Variants in CRISPLD2 observed in about 807,000 individuals in gnomAD.
The protein encoded by CRISPLD2 is cysteine-rich secretory protein LCCL domain-containing 2.
Under a neutral mutation model 71.1 loss-of-function variants are expected in CRISPLD2, and 47 were observed. That is an observed-to-expected ratio of 0.66 (90% CI 0.52 to 0.84). The LOEUF is 0.84. Ranked by LOEUF, CRISPLD2 falls within the 40% of genes least tolerant of loss-of-function variation. The pLI, the probability that CRISPLD2 is intolerant of heterozygous loss-of-function variation, is 0.00. For missense variants in CRISPLD2, 830 were observed against 651.1 expected (o/e 1.27, Z -2.99); for synonymous variants, 317 against 250.1 (o/e 1.27, Z -2.52).
chr16:84,887,789 C>T (rs774208), intron 13 of CRISPLD2, among the ~76,000 whole-genome samples: 93,769 of 152,004 alleles, frequency 0.62, 29,682 homozygotes, highest in East Asian at 0.88. Flanking sequence ...GGCAGAAGAA[C>T]CACTTGAACC....
chr16:84,881,962 C>A (rs2071572228), intron 13 of CRISPLD2, among the ~76,000 whole-genome samples: 1 of 152,122 alleles, frequency 6.6e-6, no homozygotes, highest in Non-Finnish European at 1.5e-5. Flanking sequence ...CATCTTTTTT[C>A]TTTCCTCTTT....
At chr16:84,859,792 T>C (rs1917334002) in intron 6 of CRISPLD2, among the ~76,000 whole-genome samples, 2 of 152,244 alleles carry the variant, frequency 1.3e-5, no homozygotes, top group South Asian at 4.1e-4. Flanking sequence ...GCCTCTGCTG[T>C]CCATTACGGT....
chr16:84,903,340 G>A (rs952077479), intron 14 of CRISPLD2, among the ~76,000 whole-genome samples: 1 of 152,070 alleles, frequency 6.6e-6, no homozygotes, highest in Admixed American at 6.6e-5. Context: ...ACTTTGGGAG[G>A]CCGAGGCAGG....
In CRISPLD2 at chr16:84,906,805, C is replaced by A; in HGVS notation, c.*163C>A. ...CCTGTGGGTGAGGTGACATCTCATCCCCTCACTGAAGCAACAGCATCCCAA... is the reference window on the plus strand; with the variant it reads ...CCTGTGGGTGAGGTGACATCTCATCACCTCACTGAAGCAACAGCATCCCAA... On this transcript the variant is annotated 3_prime_UTR_variant, in exon 15 of 15. Coordinates refer to ENST00000262424, the MANE Select transcript of CRISPLD2 (RefSeq NM_031476.4). 1.2e-6 allele frequency: 1 copy of A among 813,080 alleles called. No individual in the cohort carries two copies. The highest frequency in any genetic ancestry group is 2.1e-6 in the Non-Finnish European group (1 of 482,588). 50.4% of individuals were successfully genotyped at this position (813,080 alleles called of 1,614,324 possible).
At chr16:84,873,237 G>C (rs984712643) in intron 10 of CRISPLD2, 115 bp downstream of exon 10, 1 of 1,224,328 alleles carries the variant, frequency 8.2e-7, no homozygotes, top group African/African-American at 1.6e-5. Context: ...CTGCACTTTG[G>C]GAGGCAGAGG....
chr16:84,849,467 C>A lies in CRISPLD2; in HGVS notation c.442C>A (p.Pro148Thr). ...CTACCCCTACCCGAGCGAGTGCAAC[C>A]CCTGGTGTCCAGAGAGGTGCTCGGG... ...YTYPYPSECN[P>T]WCPERCSGPM... Residue 148 changes from proline to threonine, a missense_variant, in exon 4 of 15, where the codon CCC becomes ACC. By Grantham distance (38) the Pro-to-Thr change is conservative (BLOSUM62 -1). Coordinates refer to ENST00000262424, the MANE Select transcript of CRISPLD2 (RefSeq NM_031476.4). 3 of 1,614,114 alleles carry A rather than the reference C, an allele frequency of 1.9e-6. No individual in the cohort carries two copies. The highest frequency in any genetic ancestry group is 2.5e-6 in the Non-Finnish European group (3 of 1,179,962).
In CRISPLD2 at chr16:84,866,889, A is replaced by T. The variant is rs917883408; in HGVS notation, c.710-8A>T. 3 of 1,610,042 alleles carry T rather than the reference A, an allele frequency of 1.9e-6. No individual in the cohort carries two copies. Among genetic ancestry groups the T allele is most frequent in the Non-Finnish European group, 2.5e-6 (3 of 1,177,250 alleles). The stretch of plus-strand genomic sequence containing the variant: ...TGTTATTTTTTTTCCTCCCTCTCCA[A>T]TGTTAAGAAGAAACCTACACTCCAA... On this transcript the variant is annotated splice_polypyrimidine_tract_variant and splice_region_variant and intron_variant, in intron 6 of 14. Transcript: ENST00000262424.
intron 1 of CRISPLD2, among the ~76,000 whole-genome samples, chr16:84,831,955 G>T (rs1468867341): frequency 6.6e-6 from 1 of 152,198 alleles, no homozygotes; most frequent in Non-Finnish European, 1.5e-5. Flanking sequence ...GGCTGCTCTT[G>T]ATCTCCTGAC....
Position 84,868,785 on chromosome 16 carries a change from T to A in CRISPLD2, c.854-66T>A, listed in dbSNP as rs1014619139. On this transcript the variant is annotated intron_variant, in intron 7 of 14. Transcript: ENST00000262424. ...GAATGTTCCAGAATGTCCCTCAGCA[T>A]GGGGAAGGGTCTTCTCACCCTCCTG... 6 of 1,263,832 alleles carry A rather than the reference T, an allele frequency of 4.7e-6. No homozygotes were observed. The African/African-American group carries it at 8.8e-5, about 19-fold the overall frequency. 78.3% of individuals were successfully genotyped at this position (1,263,832 alleles called of 1,614,324 possible). A position where few individuals can be genotyped will look rare whatever the true frequency, so the allele number is the denominator to read the frequency against.
intron 14 of CRISPLD2, among the ~76,000 whole-genome samples, chr16:84,901,927 G>T (rs556896796): frequency 3.2e-4 from 48 of 151,024 alleles, no homozygotes; most frequent in African/African-American, 1.2e-3. Context: ...CCAAGTAGCT[G>T]GGATTACAGG....
chr16:84,824,831 G>GC (rs1916310800), intron 1 of CRISPLD2, among the ~76,000 whole-genome samples: 1 of 152,174 alleles, frequency 6.6e-6, no homozygotes, highest in African/African-American at 2.4e-5. Context: ...GGGGCCAGGC[G>GC]CGGTGGCTCA....
chr16:84,835,673 A>C (rs767900129), intron 1 of CRISPLD2, among the ~76,000 whole-genome samples: 3 of 152,156 alleles, frequency 2.0e-5, no homozygotes, highest in Non-Finnish European at 4.4e-5. Flanking sequence ...TTGTCTTCCA[A>C]TGTGGAGGTT....
chr16:84,887,144 G>T (rs1268405966), intron 13 of CRISPLD2, among the ~76,000 whole-genome samples: 1 of 152,200 alleles, frequency 6.6e-6, no homozygotes, highest in African/African-American at 2.4e-5. Flanking sequence ...TCTCCCCGAT[G>T]ACCCCTGGGG....
At chr16:84,879,034 C>A (rs2071545278) in intron 12 of CRISPLD2, among the ~76,000 whole-genome samples, 1 of 152,132 alleles carries the variant, frequency 6.6e-6, no homozygotes, top group African/African-American at 2.4e-5. Context: ...GGTGGTGACC[C>A]CAAGGTTCCG....
chr16:84,847,508 A>G (rs986029556), intron 3 of CRISPLD2, among the ~76,000 whole-genome samples: 16 of 152,178 alleles, frequency 1.1e-4, no homozygotes, highest in East Asian at 5.8e-4. Context: ...AAAATTAGCC[A>G]GGCGTGGTGG....
At chr16:84,832,128 C>T (rs978054792) in intron 1 of CRISPLD2, among the ~76,000 whole-genome samples, 5 of 152,276 alleles carry the variant, frequency 3.3e-5, no homozygotes, top group South Asian at 2.1e-4. Context: ...ACATTATTCA[C>T]TCCAGCCTTC....
chr16:84,875,995 G>A (rs1443385506), intron 11 of CRISPLD2, among the ~76,000 whole-genome samples: 2 of 152,202 alleles, frequency 1.3e-5, no homozygotes, highest in African/African-American at 2.4e-5. Flanking sequence ...CTGTTCAAGT[G>A]ACAGACTGGA....
At chr16:84,837,666 C>T (rs767599563) in intron 1 of CRISPLD2, among the ~76,000 whole-genome samples, 1 of 152,192 alleles carries the variant, frequency 6.6e-6, no homozygotes. Flanking sequence ...ATCCGCCCGC[C>T]TCGGCCTCCC....
chr16:84,858,987 G>A (rs767830903), intron 6 of CRISPLD2, among the ~76,000 whole-genome samples: 23 of 152,298 alleles, frequency 1.5e-4, no homozygotes, highest in Admixed American at 7.2e-4. Context: ...AGAGTTGAAC[G>A]GGGATGTGGG....
Sources: allele counts gnomAD v4.1 joint callset (sites outside exome capture counted in the v4.1 genomes callset), GRCh38; gene constraint gnomAD v4.1.1; transcripts MANE v1.5; gene names NCBI Gene and HGNC (gene_info 2026-07-23, HGNC 2026-07-21).